The following GYPC variants were observed in gnomAD, a reference collection of about 807,000 sequenced individuals.
GYPC encodes glycophorin C (Gerbich blood group), also known as glycophorin-C.
GYPC carries 14 observed loss-of-function variants against 12.6 expected under a neutral mutation model. That is an observed-to-expected ratio of 1.11 (90% CI 0.74 to 1.74). GYPC has a LOEUF of 1.74. GYPC is among the 40% of genes most tolerant of loss of function. GYPC has a pLI of 0.00. For synonymous variants in GYPC, 78 were observed against 62.1 expected, an observed-to-expected ratio of 1.26 and a Z score of -1.20; for missense variants, 225 against 172.1, an observed-to-expected ratio of 1.31 and a Z score of -1.72.
At chr2:126,672,098 GA>G (rs1315358730) in intron 1 of GYPC, among the ~76,000 whole-genome samples, 1 of 152,138 alleles carries the variant, frequency 6.6e-6, no homozygotes, top group East Asian at 1.9e-4. Context: ...AAAGGTAACT[GA>G]GAGATGCAGG....
intron 2 of GYPC, among the ~76,000 whole-genome samples, chr2:126,692,261 G>A (rs1277637595): frequency 6.6e-6 from 1 of 152,008 alleles, no homozygotes; most frequent in African/African-American, 2.4e-5. Context: ...TCAGTGCCTT[G>A]TATTATCTTC....
intron 3 of GYPC, 103 bp downstream of exon 3, chr2:126,694,050 G>A: frequency 2.4e-6 from 2 of 820,320 alleles, no homozygotes; most frequent in South Asian, 1.4e-5. Context: ...GGTGGCTGTG[G>A]CCATTTTTTC....
At chr2:126,673,203 T>G (rs1220397550) in intron 1 of GYPC, among the ~76,000 whole-genome samples, 2 of 152,074 alleles carry the variant, frequency 1.3e-5, no homozygotes, top group Non-Finnish European at 2.9e-5. Flanking sequence ...TCCTAAGTAA[T>G]ATGATGCCAG....
At chr2:126,678,776 T>C (rs1024632698) in intron 1 of GYPC, 1 of 152,264 alleles carries the variant, frequency 6.6e-6, no homozygotes, top group African/African-American at 2.4e-5. Flanking sequence ...CCTTGGGATG[T>C]AGCCACGAAC....
At chr2:126,684,305 A>G (rs1211517052) in intron 1 of GYPC, among the ~76,000 whole-genome samples, 2 of 152,212 alleles carry the variant, frequency 1.3e-5, no homozygotes, top group Admixed American at 6.5e-5. Context: ...TTATGCACAG[A>G]TAGGAAGAGT....
At chr2:126,660,949 CT>C (rs1265439702) in intron 1 of GYPC, among the ~76,000 whole-genome samples, 2 of 152,176 alleles carry the variant, frequency 1.3e-5, no homozygotes, top group African/African-American at 4.8e-5. Context: ...TCATCTTGGC[CT>C]GGGGTTTTCT....
At chr2:126,691,762 G>C (rs1471997199) in intron 2 of GYPC, among the ~76,000 whole-genome samples, 1 of 152,164 alleles carries the variant, frequency 6.6e-6, no homozygotes, top group Non-Finnish European at 1.5e-5. Context: ...CCTAGTAAGC[G>C]ATTGTTAGTT....
intron 1 of GYPC, among the ~76,000 whole-genome samples, chr2:126,661,577 C>G (rs1317016971): frequency 6.6e-6 from 1 of 152,034 alleles, no homozygotes; most frequent in Non-Finnish European, 1.5e-5. Context: ...CTCAGCCTGC[C>G]GAGTAGCTGG....
At chr2:126,669,754 C>T (rs973939154) in intron 1 of GYPC, among the ~76,000 whole-genome samples, 3 of 152,276 alleles carry the variant, frequency 2.0e-5, no homozygotes, top group East Asian at 1.9e-4. Context: ...GGTGTTCCTT[C>T]GAAGTTCCGA....
chr2:126,683,885 G>A (rs898721587), intron 1 of GYPC, among the ~76,000 whole-genome samples: 1 of 152,146 alleles, frequency 6.6e-6, no homozygotes. Flanking sequence ...CCAATTTACT[G>A]ACATAGGAAT....
chr2:126,674,574 G>A (rs1033136329), intron 1 of GYPC, among the ~76,000 whole-genome samples: 53 of 152,328 alleles, frequency 3.5e-4, no homozygotes, highest in African/African-American at 1.0e-3. Context: ...AGGATTTTGC[G>A]TGTGCTGAGA....
intron 1 of GYPC, among the ~76,000 whole-genome samples, chr2:126,666,754 C>T (rs1558880258): frequency 2.1e-5 from 3 of 143,334 alleles, no homozygotes; most frequent in Non-Finnish European, 3.0e-5. Flanking sequence ...CACACACACA[C>T]ACATATGCAC....
intron 2 of GYPC, among the ~76,000 whole-genome samples, chr2:126,690,871 G>A (rs1475414690): frequency 7.1e-6 from 1 of 139,880 alleles, no homozygotes; most frequent in East Asian, 2.1e-4. Context: ...TTTGGGAGGT[G>A]CTGTGTGCTC....
At chr2:126,680,984 C>G (rs750879778) in intron 1 of GYPC, among the ~76,000 whole-genome samples, 28 of 152,298 alleles carry the variant, frequency 1.8e-4, no homozygotes, top group African/African-American at 6.7e-4. Flanking sequence ...GGGACCTTAA[C>G]AGACCTTCTA....
At chr2:126,670,804 C>T (rs185437688) in intron 1 of GYPC, among the ~76,000 whole-genome samples, 1 of 152,302 alleles carries the variant, frequency 6.6e-6, no homozygotes, top group Non-Finnish European at 1.5e-5. Context: ...CCAAATCCAG[C>T]TGCCCCCTAT....
intron 1 of GYPC, among the ~76,000 whole-genome samples, chr2:126,668,489 T>G (rs943694605): frequency 6.6e-6 from 1 of 152,210 alleles, no homozygotes; most frequent in African/African-American, 2.4e-5. Flanking sequence ...CTCTACCCCA[T>G]GCAGTTGTGA....
chr2:126,659,002 G>A (rs1275458121), intron 1 of GYPC, among the ~76,000 whole-genome samples: 1 of 152,200 alleles, frequency 6.6e-6, no homozygotes, highest in African/African-American at 2.4e-5. Context: ...CTGGGACAAA[G>A]TGTGTATTCA....
chr2:126,694,172 A>G (rs541634659), intron 3 of GYPC, among the ~76,000 whole-genome samples: 3 of 152,236 alleles, frequency 2.0e-5, no homozygotes, highest in East Asian at 1.9e-4. Context: ...GGCCTTTCTC[A>G]GGGCTTTTGA....
intron 2 of GYPC, among the ~76,000 whole-genome samples, chr2:126,692,690 C>A (rs115315889): frequency 0.015 from 2,277 of 152,204 alleles, 57 homozygotes; most frequent in African/African-American, 0.052. Flanking sequence ...CCTCTTTGGC[C>A]AGGTCATTAA....
Sources: gnomAD v4.1 joint callset for allele counts (sites outside exome capture counted in the v4.1 genomes callset) on GRCh38, gnomAD v4.1.1 for gene constraint, MANE v1.5 for transcripts, NCBI Gene and HGNC (gene_info 2026-07-23, HGNC 2026-07-21) for gene names.